The following ACTN4 variants were observed in gnomAD, a reference collection of about 807,000 sequenced individuals.
The protein encoded by ACTN4 is actinin alpha 4, also known as alpha-actinin-4.
ACTN4 carries 18 observed loss-of-function variants against 114.2 expected under a neutral mutation model. That is an observed-to-expected ratio of 0.16 (90% CI 0.11 to 0.23). ACTN4 has a LOEUF of 0.23. Ranked by LOEUF, ACTN4 falls within the 10% of genes least tolerant of loss-of-function variation. ACTN4 has a pLI of 1.00. For missense variants in ACTN4, 722 were observed against 1,262.9 expected, an observed-to-expected ratio of 0.57 and a Z score of 6.49; for synonymous variants, 515 against 506.3, an observed-to-expected ratio of 1.02 and a Z score of -0.23.
At chr19:38,715,583 A>G (rs974092661) in intron 9 of ACTN4, among the ~76,000 whole-genome samples, 1 of 152,226 alleles carries the variant, frequency 6.6e-6, no homozygotes, top group South Asian at 2.1e-4. Context: ...TTGCAATCTC[A>G]TAGACCAGGA....
rs979236468 is a variant in ACTN4, at chr19:38,723,917, C to G, written c.1552-20C>G. 2.2e-5 allele frequency: 36 copies of G among 1,612,884 alleles called. No individual in the cohort carries two copies. Among genetic ancestry groups the G allele is most frequent in the Middle Eastern group, 3.3e-4 (2 of 6,050 alleles). On this transcript the variant is annotated intron_variant, in intron 13 of 20. Transcript: ENST00000252699. ...ACCTGCCTTCCCTCTGTCCCTGCCC[C>G]CTTCCCTCCCACACACTAGAAAACA... is the stretch of plus-strand genomic sequence containing the variant.
At chr19:38,651,179 A>G (rs747840254) in intron 1 of ACTN4, among the ~76,000 whole-genome samples, 1 of 152,218 alleles carries the variant, frequency 6.6e-6, no homozygotes, top group Non-Finnish European at 1.5e-5. Context: ...ATGCATCCAG[A>G]ACAGCTGTAG....
intron 1 of ACTN4, among the ~76,000 whole-genome samples, chr19:38,678,553 A>T (rs1348660943): frequency 6.6e-6 from 1 of 152,236 alleles, no homozygotes; most frequent in Non-Finnish European, 1.5e-5. Context: ...TCGGCAGAGA[A>T]GTCAGTACCA....
At chr19:38,696,278 C>T (rs1968089447) in intron 1 of ACTN4, among the ~76,000 whole-genome samples, 1 of 152,084 alleles carries the variant, frequency 6.6e-6, no homozygotes, top group Admixed American at 6.5e-5. Context: ...AGGGCCTGGC[C>T]CTCTGCTGAC....
In ACTN4 at chr19:38,721,790, A is replaced by G. The variant is rs748727679; in HGVS notation, c.1442+102A>G. 3.9e-6 allele frequency: 6 copies of G among 1,537,618 alleles called. No homozygotes were observed. In the South Asian group the frequency reaches 4.6e-5, roughly 12 times the overall value. On this transcript the variant is annotated intron_variant, in intron 12 of 20. Coordinates refer to ENST00000252699, the MANE Select transcript of ACTN4 (RefSeq NM_004924.6). ...AGGCCCAGCCTGCCTCAAGGCCTGG[A>G]ATAGGGTCCCCAGTGCCCCAACTGC...
At chr19:38,651,641 C>T (rs1054782205) in intron 1 of ACTN4, among the ~76,000 whole-genome samples, 23 of 151,944 alleles carry the variant, frequency 1.5e-4, no homozygotes, top group African/African-American at 5.3e-4. Flanking sequence ...TTTTTGGAGA[C>T]GGAGTTTTGC....
chr19:38,672,456 G>T (rs1015486431), intron 1 of ACTN4, among the ~76,000 whole-genome samples: 1 of 151,782 alleles, frequency 6.6e-6, no homozygotes, highest in Non-Finnish European at 1.5e-5. Flanking sequence ...GGCCAGGCTG[G>T]TCTTGAACTC....
At chr19:38,729,242 G>C in intron 20 of ACTN4, 32 bp from the exon 21 acceptor site, 1 of 1,612,494 alleles carries the variant, frequency 6.2e-7, no homozygotes. Flanking sequence ...TGTGGGTGGG[G>C]ATGGCTCAGA....
intron 1 of ACTN4, among the ~76,000 whole-genome samples, chr19:38,671,162 G>A (rs1339812225): frequency 6.6e-6 from 1 of 152,098 alleles, no homozygotes; most frequent in African/African-American, 2.4e-5. Flanking sequence ...GTAGTAAAAA[G>A]GGTTTGCTTT....
Position 38,730,304 on chromosome 19 carries a change from T to G in ACTN4, c.*872T>G, listed in dbSNP as rs1969478543. ...CTCATAATGAAGACATAGCCGATTCTCTGCCCGGGCCCCTTGCTGATGCTC... is the reference window on the plus strand; with the variant it reads ...CTCATAATGAAGACATAGCCGATTCGCTGCCCGGGCCCCTTGCTGATGCTC... On this transcript the variant is annotated 3_prime_UTR_variant, in exon 21 of 21. Coordinates refer to ENST00000252699, the MANE Select transcript of ACTN4 (RefSeq NM_004924.6). 1.2e-5 allele frequency: 2 copies of G among 163,208 alleles called. No individual in the cohort carries two copies. The highest frequency in any genetic ancestry group is 3.1e-4 in the South Asian group (2 of 6,374). 10.1% of individuals were successfully genotyped at this position (163,208 alleles called of 1,614,324 possible). A position where few individuals can be genotyped will look rare whatever the true frequency, so the allele number is the denominator to read the frequency against.
In ACTN4 at chr19:38,731,188, T is replaced by C. The variant is rs200530826; in HGVS notation, c.*1756T>C. 1 of 1,601,228 alleles carries C rather than the reference T, an allele frequency of 6.2e-7. No individual in the cohort carries two copies. The highest frequency in any genetic ancestry group is 2.3e-5 in the East Asian group (1 of 43,856). ...AGACGGCTATCCCGGTAGCGGCTGG[T>C]GAGGGTCTGGGTCAGCTGGTTGTTC... is the stretch of plus-strand genomic sequence containing the variant. On this transcript the variant is annotated 3_prime_UTR_variant, in exon 21 of 21. Coordinates refer to ENST00000252699, the MANE Select transcript of ACTN4 (RefSeq NM_004924.6).
chr19:38,675,661 A>G (rs1308398063), intron 1 of ACTN4, among the ~76,000 whole-genome samples: 4 of 152,220 alleles, frequency 2.6e-5, no homozygotes, highest in Admixed American at 2.0e-4. Context: ...CCATGTTGCT[A>G]TCATGTGCAC....
intron 19 of ACTN4, chr19:38,728,515 G>A (rs1362814808): frequency 1.6e-6 from 1 of 615,632 alleles, no homozygotes; most frequent in Non-Finnish European, 2.5e-6. Context: ...CTCCGCCCGA[G>A]CAGCGCAGCC....
Position 38,727,625 on chromosome 19 carries a change from G to C in ACTN4, c.2338-321G>C, listed in dbSNP as rs1969281548. Among the ~76,000 whole-genome samples, 1 of 135,946 alleles carries C rather than the reference G, an allele frequency of 7.4e-6. No individual in the cohort carries two copies. Among genetic ancestry groups the C allele is most frequent in the African/African-American group, 2.7e-5 (1 of 36,840 alleles). The allele number at this position is 135,946 out of a possible 152,430, so 89.2% of individuals were successfully genotyped here. On this transcript the variant is annotated intron_variant, in intron 18 of 20. Coordinates refer to ENST00000252699, the MANE Select transcript of ACTN4 (RefSeq NM_004924.6). The surrounding 1 kb of genome is among the most constrained non-coding windows in gnomAD (Gnocchi z 5.4). ...CCACTCCAAATCCCAAAGGCAAGGA[G>C]AACCCCCCCCCCGACCCTCCACCAG...
rs963111105 is a variant in ACTN4 at position 38,660,469 on chromosome 19, C to T, written c.162+12562C>T. ...GGAGTGCAATGGCGTGTTCTTGGCT[C>T]ACTGCAACCTCCGTCTCCTGGGTTC... On this transcript the variant is annotated intron_variant, in intron 1 of 20. Transcript: ENST00000252699. Among the ~76,000 whole-genome samples, 3 of 151,720 alleles carry T rather than the reference C, an allele frequency of 2.0e-5. 1 individual carries two copies. The highest frequency in any genetic ancestry group is 1.3e-4 in the Admixed American group (2 of 15,216).
chr19:38,648,526 G>C (rs150953532), intron 1 of ACTN4, among the ~76,000 whole-genome samples: 173 of 150,808 alleles, frequency 1.1e-3, no homozygotes, highest in African/African-American at 4.1e-3. Flanking sequence ...ATGAAAACAG[G>C]GGCTAAGGGT....
intron 1 of ACTN4, among the ~76,000 whole-genome samples, chr19:38,692,593 G>A (rs1440665193): frequency 1.3e-5 from 2 of 152,180 alleles, no homozygotes; most frequent in African/African-American, 2.4e-5. Context: ...CCCTGAAAGC[G>A]CCTTTATAGT....
intron 5 of ACTN4, 56 bp from the exon 6 acceptor site, chr19:38,708,061 G>T: frequency 6.4e-7 from 1 of 1,558,046 alleles, no homozygotes; most frequent in South Asian, 1.1e-5. Context: ...AGGGCCATAC[G>T]GCACTCTCAT....
rs79504629 is a variant in ACTN4, at chr19:38,661,063, C to G, written c.162+13156C>G. ...GGGGGCCCCCGAGGAGCAGAAAGGC[C>G]CGAGTGGTCAGAGCGGAGCCCGTGG... On this transcript the variant is annotated intron_variant, in intron 1 of 20. Transcript: ENST00000252699. Among the ~76,000 whole-genome samples the G allele has an allele frequency of 7.0e-3, 1,061 of 152,234 alleles. 11 individuals are homozygous for G. The highest frequency in any genetic ancestry group is 0.024 in the African/African-American group (1,007 of 41,536).
Sources: gnomAD v4.1 joint callset for allele counts (sites outside exome capture counted in the v4.1 genomes callset) on GRCh38, gnomAD v4.1.1 for gene constraint, Gnocchi (gnomAD v3.1) non-coding constraint, MANE v1.5 for transcripts, NCBI Gene and HGNC (gene_info 2026-07-23, HGNC 2026-07-21) for gene names.